Variants in CEMIP observed in about 807,000 individuals in gnomAD.
The protein encoded by CEMIP is cell migration-inducing and hyaluronan-binding protein.
A neutral mutation model predicts 156.9 loss-of-function variants in CEMIP; 105 were observed. The observed-to-expected ratio is 0.67, with a 90% CI of 0.57 to 0.79. The LOEUF (loss-of-function observed/expected upper bound fraction) is 0.79. CEMIP is among the 30% of genes least tolerant of loss of function. The probability of loss-of-function intolerance (pLI) is 0.00; values close to 1 mark genes in which losing one functional copy is unlikely to be tolerated. For synonymous variants in CEMIP, 676 were observed against 668.4 expected, an observed-to-expected ratio of 1.01 and a Z score of -0.17; for missense variants, 1,457 against 1,769.4, an observed-to-expected ratio of 0.82 and a Z score of 3.17.
intron 23 of CEMIP, among the ~76,000 whole-genome samples, chr15:80,935,632 T>C (rs937543632): frequency 6.6e-6 from 1 of 152,200 alleles, no homozygotes; most frequent in Non-Finnish European, 1.5e-5. Flanking sequence ...AAGCACAACA[T>C]CATTGCACGT....
intron 6 of CEMIP, among the ~76,000 whole-genome samples, chr15:80,882,835 G>A (rs2141832068): frequency 6.6e-6 from 1 of 152,244 alleles, no homozygotes; most frequent in African/African-American, 2.4e-5. Context: ...GTTACTTAGA[G>A]AAGCAGGAAC....
chr15:80,830,968 T>C (rs11631360), intron 1 of CEMIP, among the ~76,000 whole-genome samples: 39,563 of 152,084 alleles, frequency 0.26, 5,179 homozygotes, highest in East Asian at 0.4. Context: ...TTTGCCTATA[T>C]TAATCATGTA....
intron 1 of CEMIP, among the ~76,000 whole-genome samples, chr15:80,843,137 G>T (rs1243283740): frequency 3.3e-5 from 5 of 152,162 alleles, no homozygotes; most frequent in African/African-American, 1.2e-4. Context: ...CTTAGGTGTT[G>T]TATCTTATTT....
intron 13 of CEMIP, among the ~76,000 whole-genome samples, 178 bp from the exon 14 acceptor site, chr15:80,908,919 C>G (rs916046359): frequency 6.6e-6 from 1 of 152,212 alleles, no homozygotes; most frequent in African/African-American, 2.4e-5. Flanking sequence ...GCCTGTCTTC[C>G]ACAGTATAAG....
intron 6 of CEMIP, among the ~76,000 whole-genome samples, chr15:80,882,520 G>T (rs1454942422): frequency 6.6e-6 from 1 of 152,202 alleles, no homozygotes; most frequent in Non-Finnish European, 1.5e-5. Context: ...CTCTTCAATT[G>T]TGTGCTGATC....
At chr15:80,885,717 G>A (rs2141837629) in intron 7 of CEMIP, among the ~76,000 whole-genome samples, 1 of 152,250 alleles carries the variant, frequency 6.6e-6, no homozygotes, top group Admixed American at 6.5e-5. Flanking sequence ...GGATATACGA[G>A]GAGCTATCTC....
chr15:80,795,432 G>A (rs1896197274), intron 1 of CEMIP, among the ~76,000 whole-genome samples: 1 of 151,962 alleles, frequency 6.6e-6, no homozygotes, highest in Non-Finnish European at 1.5e-5. Flanking sequence ...TCCAGCTGGT[G>A]TTTAGGAGAT....
chr15:80,886,693 C>T (rs1406793647), intron 7 of CEMIP, among the ~76,000 whole-genome samples: 2 of 152,138 alleles, frequency 1.3e-5, no homozygotes, highest in Admixed American at 6.5e-5. Flanking sequence ...CATAAGGAAA[C>T]GAGGACCCAA....
chr15:80,925,207 A>G (rs990096133), intron 18 of CEMIP, among the ~76,000 whole-genome samples: 2 of 152,234 alleles, frequency 1.3e-5, no homozygotes, highest in African/African-American at 4.8e-5. Context: ...CACTGGTAAC[A>G]TGATAGTGCA....
intron 14 of CEMIP, among the ~76,000 whole-genome samples, chr15:80,918,069 G>T (rs941155646): frequency 6.6e-6 from 1 of 152,166 alleles, no homozygotes; most frequent in African/African-American, 2.4e-5. Flanking sequence ...GAGCCCAGGA[G>T]TTTGAGACCA....
Position 80,949,916 on chromosome 15 carries a change from C to G in CEMIP, c.*992C>G, listed in dbSNP as rs1901743986. The G allele has an allele frequency of 6.6e-6, 1 of 152,278 alleles. No individual in the cohort carries two copies. Among genetic ancestry groups the G allele is most frequent in the Non-Finnish European group, 1.5e-5 (1 of 68,084 alleles). 9.4% of individuals were successfully genotyped at this position (152,278 alleles called of 1,614,324 possible). ...CCCTCCCTGCCGCTGCCTGCTGAAG[C>G]TGGTGACTACGGGGTCGCCCTTTGC... On this transcript the variant is annotated 3_prime_UTR_variant, in exon 30 of 30. Transcript: ENST00000394685.
rs979459898 is a variant in CEMIP at position 80,933,338 on chromosome 15, G to A, written c.2887G>A (p.Gly963Ser). Residue 963 changes from glycine (G) to serine (S), a missense_variant, in exon 23 of 30, where the codon GGC becomes AGC. Gly to Ser is a moderately conservative substitution (Grantham distance 56, BLOSUM62 0). Coordinates refer to ENST00000394685, the MANE Select transcript of CEMIP (RefSeq NM_001293298.2). ...GACATCTGTGTTCCATGACGTCGACGGCTCCGTGTCCGAGTACCCTGGCTC... is the reference window on the plus strand; with the variant it reads ...GACATCTGTGTTCCATGACGTCGACAGCTCCGTGTCCGAGTACCCTGGCTC... ...DKTSVFHDVD[G>S]SVSEYPGSYL... 3 of 1,614,080 alleles carry A rather than the reference G, an allele frequency of 1.9e-6. No individual in the cohort carries two copies. The highest frequency in any genetic ancestry group is 1.7e-5 in the Admixed American group (1 of 60,016).
Position 80,943,055 on chromosome 15 carries a change from A to T in CEMIP, c.3810A>T (p.Gln1270His). 2 of 1,614,240 alleles carry T rather than the reference A, an allele frequency of 1.2e-6. No individual in the cohort carries two copies. Among genetic ancestry groups the T allele is most frequent in the Non-Finnish European group, 1.7e-6 (2 of 1,180,044 alleles). Residue 1270 changes from glutamine (Q) to histidine (H), a missense_variant, in exon 28 of 30, where the codon CAA becomes CAT. By Grantham distance (24) the Gln-to-His change is conservative. This residue lies in a region of CEMIP where 798 missense variants were observed against 980.1 expected (regional missense o/e 0.81). Coordinates refer to ENST00000394685, the MANE Select transcript of CEMIP (RefSeq NM_001293298.2). ...CGAGCTTCAGGAACTCCATTCTGCA[A>T]GGCATACCATGGCAGCTTTTCAACT... ...SHTSFRNSIL[Q>H]GIPWQLFNYV...
At position 80,906,192 on chromosome 15, in the gene CEMIP, T is replaced by G. The variant is rs1899794638; in HGVS notation, c.1412-471T>G. Among the ~76,000 whole-genome samples, 1 of 152,226 alleles carries G rather than the reference T, an allele frequency of 6.6e-6. No homozygotes were observed. Among genetic ancestry groups the G allele is most frequent in the Admixed American group, 6.5e-5 (1 of 15,290 alleles). ...GACCAGGTTTCTTCTCTCCCGTTGC[T>G]CTGCCATCTCTGGGGCATGGTGCTC... is the stretch of plus-strand genomic sequence containing the variant. On this transcript the variant is annotated intron_variant, in intron 12 of 29. Coordinates refer to ENST00000394685, the MANE Select transcript of CEMIP (RefSeq NM_001293298.2). The surrounding 1 kb of genome is among the most constrained non-coding windows in gnomAD (Gnocchi z 4.3).
chr15:80,934,763 G>A (rs1392966382), intron 23 of CEMIP, among the ~76,000 whole-genome samples: 1 of 152,164 alleles, frequency 6.6e-6, no homozygotes, highest in Non-Finnish European at 1.5e-5. Context: ...TGGGGGTCAG[G>A]TGCCAGAGTA....
intron 13 of CEMIP, 145 bp from the exon 14 acceptor site, chr15:80,908,952 T>C: frequency 1.2e-6 from 1 of 811,904 alleles, no homozygotes; most frequent in Non-Finnish European, 2.1e-6. Flanking sequence ...TTCTAACCCA[T>C]TTGCAGAGAA....
At chr15:80,939,403 C>G (rs1023150517) in intron 25 of CEMIP, among the ~76,000 whole-genome samples, 1 of 152,118 alleles carries the variant, frequency 6.6e-6, no homozygotes, top group Non-Finnish European at 1.5e-5. Context: ...CATATGAATA[C>G]CAGAGGAGGA....
intron 23 of CEMIP, among the ~76,000 whole-genome samples, chr15:80,934,235 T>C (rs1197594799): frequency 6.6e-6 from 1 of 152,222 alleles, no homozygotes; most frequent in Non-Finnish European, 1.5e-5. Context: ...ATACAATGTG[T>C]AATGATCAAA....
intron 1 of CEMIP, among the ~76,000 whole-genome samples, chr15:80,819,019 G>A (rs576464846): frequency 2.6e-5 from 4 of 152,138 alleles, no homozygotes; most frequent in Admixed American, 6.5e-5. Flanking sequence ...ATTGTCCCAG[G>A]TTCAGCCCAG....
Sources: gnomAD v4.1 joint callset for allele counts (sites outside exome capture counted in the v4.1 genomes callset) on GRCh38, gnomAD v4.1.1 for gene constraint, gnomAD v4.1.1 regional missense constraint, Gnocchi (gnomAD v3.1) non-coding constraint, MANE v1.5 for transcripts, NCBI Gene and HGNC (gene_info 2026-07-23, HGNC 2026-07-21) for gene names.